CAPN2: variants seen among roughly 807,000 people sequenced by gnomAD.
The protein encoded by CAPN2 is calpain-2 catalytic subunit.
In CAPN2, 92 loss-of-function variants were observed where a neutral mutation model predicts 102.3. That is an observed-to-expected ratio of 0.90 (90% confidence interval 0.76 to 1.07). CAPN2 has a LOEUF of 1.07. Ranked by LOEUF, CAPN2 falls within the 50% of genes least tolerant of loss-of-function variation. The pLI is 0.00. For synonymous variants in CAPN2, 340 were observed against 355.4 expected (o/e 0.96, Z 0.49); for missense variants, 800 against 909.4 (o/e 0.88, Z 1.55).
chr1:223,773,599 C>T (rs1361607702), intron 20 of CAPN2, among the ~76,000 whole-genome samples: 1 of 151,916 alleles, frequency 6.6e-6, no homozygotes, highest in Non-Finnish European at 1.5e-5. Flanking sequence ...GAGGCTGAAG[C>T]GAAAGGATTG....
Position 223,771,836 on chromosome 1 carries a change from AAGTCAT to A in CAPN2, c.1932_1937del (p.Gln644_Ile646delinsHis). 6.2e-7 allele frequency: 1 copy of A among 1,613,866 alleles called. No homozygotes were observed. Among genetic ancestry groups the A allele is most frequent in the Non-Finnish European group, 8.5e-7 (1 of 1,179,716 alleles). On this transcript the variant is annotated inframe_deletion, in exon 19 of 21. Coordinates refer to ENST00000295006, the MANE Select transcript of CAPN2 (RefSeq NM_001748.5). The stretch of plus-strand genomic sequence containing the variant: ...TTCAAGATGCCCTGTCAACTCCACC[AAGTCAT>A]CGTTGCTCGGTTTGCAGATGACCAG...
Position 223,755,389 on chromosome 1 carries a change from T to C in CAPN2, c.1136-91T>C, listed in dbSNP as rs879009725. The C allele has an allele frequency of 1.5e-5, 20 of 1,314,592 alleles. No individual in the cohort carries two copies. In the South Asian group the frequency reaches 2.5e-4, roughly 16 times the overall value. The allele number at this position is 1,314,592 out of a possible 1,614,324, so 81.4% of individuals were successfully genotyped here. Reference sequence around the variant, plus strand: ...CCATCTCCCTTTATCTCCATCCCTCTCAGAAGCCTCCAAGCCTGAGACCAG... The same window carrying C: ...CCATCTCCCTTTATCTCCATCCCTCCCAGAAGCCTCCAAGCCTGAGACCAG... On this transcript the variant is annotated intron_variant, in intron 9 of 20. Transcript: ENST00000295006. The surrounding 1 kb of genome is among the most constrained non-coding windows in gnomAD (Gnocchi z 4.1).
At chr1:223,707,997 CG>C (rs1659650080), upstream of CAPN2, among the ~76,000 whole-genome samples, 1 of 152,188 alleles carries the variant, frequency 6.6e-6, no homozygotes, top group African/African-American at 2.4e-5. Flanking sequence ...CAGAAGAAGT[CG>C]GGGTGGGGCC....
At chr1:223,709,289 T>G (rs1244270702), upstream of CAPN2, among the ~76,000 whole-genome samples, 1 of 152,160 alleles carries the variant, frequency 6.6e-6, no homozygotes. Context: ...GGCAGAGGAA[T>G]AATAGTGACA....
In CAPN2 at chr1:223,775,744, T is replaced by A. The variant is rs1661603190; in HGVS notation, c.*887T>A. On this transcript the variant is annotated 3_prime_UTR_variant, in exon 21 of 21. Transcript: ENST00000295006. ...ACAAGTTTGTTTCCTGGCTTTACCTTGGGAAAATGCTAGCAACATTATAGA... is the reference window on the plus strand; with the variant it reads ...ACAAGTTTGTTTCCTGGCTTTACCTAGGGAAAATGCTAGCAACATTATAGA... 6.6e-6 allele frequency: 1 copy of A among 152,662 alleles called. No individual in the cohort carries two copies. Among genetic ancestry groups the A allele is most frequent in the Admixed American group, 6.5e-5 (1 of 15,284 alleles). 9.5% of individuals were successfully genotyped at this position (152,662 alleles called of 1,614,324 possible). A position where few individuals can be genotyped will look rare whatever the true frequency, so the allele number is the denominator to read the frequency against.
chr1:223,746,473 A>ATTTTTTT (rs1420617646), intron 4 of CAPN2, among the ~76,000 whole-genome samples: 3 of 105,240 alleles, frequency 2.9e-5, no homozygotes, highest in African/African-American at 1.4e-4. Flanking sequence ...TTCTACGAGA[A>ATTTTTTT]TCTTTTTTTT....
At chr1:223,753,903 C>A (rs28370087) in intron 9 of CAPN2, among the ~76,000 whole-genome samples, 1 of 151,990 alleles carries the variant, frequency 6.6e-6, no homozygotes, top group Non-Finnish European at 1.5e-5. Context: ...TTCCAAAATC[C>A]AAAAAAATCC....
Position 223,712,888 on chromosome 1 carries a change from C to T in CAPN2, c.237+11C>T. On this transcript the variant is annotated intron_variant, in intron 1 of 20. Transcript: ENST00000295006. ...TGGAAGCGCCCCACGGTAGGAAGCG[C>T]GCGGCAGGACGCGGGCAGGGCGGGG... The T allele has an allele frequency of 6.7e-7, 1 of 1,501,434 alleles. No individual in the cohort carries two copies. Among genetic ancestry groups the T allele is most frequent in the Non-Finnish European group, 8.9e-7 (1 of 1,124,136 alleles). The allele number at this position is 1,501,434 out of a possible 1,614,324, so 93.0% of individuals were successfully genotyped here.
At chr1:223,760,134 T>TTAAG (rs1245659921) in intron 12 of CAPN2, among the ~76,000 whole-genome samples, 1 of 152,182 alleles carries the variant, frequency 6.6e-6, no homozygotes, top group Non-Finnish European at 1.5e-5. Context: ...CCTGGGTGAT[T>TTAAG]TAAGCTAAAG....
At chr1:223,720,940 C>T (rs368450808) in intron 2 of CAPN2, among the ~76,000 whole-genome samples, 25 of 152,190 alleles carry the variant, frequency 1.6e-4, no homozygotes, top group South Asian at 1.2e-3. Flanking sequence ...TTCATCTTCT[C>T]TACCTGCGCT....
chr1:223,765,472 T>C (rs952109625), intron 15 of CAPN2, among the ~76,000 whole-genome samples: 2 of 152,186 alleles, frequency 1.3e-5, no homozygotes, highest in East Asian at 1.9e-4. Flanking sequence ...GCAGTCCTCA[T>C]GAGCTGAGGA....
chr1:223,762,114 T>C (rs1360770238), intron 13 of CAPN2, 72 bp from the exon 14 acceptor site: 8 of 1,343,554 alleles, frequency 6.0e-6, no homozygotes, highest in Non-Finnish European at 8.5e-6. Flanking sequence ...GTGGCTGCCA[T>C]GGAAGGGCGG....
chr1:223,738,989 T>C (rs1055710537), intron 2 of CAPN2, among the ~76,000 whole-genome samples: 1 of 152,030 alleles, frequency 6.6e-6, no homozygotes, highest in Admixed American at 6.6e-5. Flanking sequence ...GAGATACCCA[T>C]AGAGATCAGC....
At chr1:223,748,366 T>C (rs1020667592) in intron 5 of CAPN2, among the ~76,000 whole-genome samples, 35 of 152,026 alleles carry the variant, frequency 2.3e-4, no homozygotes, top group African/African-American at 8.2e-4. Context: ...GCAGGAATTC[T>C]CAAAGTTTAT....
chr1:223,769,458 C>T (rs1375771305), intron 16 of CAPN2, among the ~76,000 whole-genome samples: 1 of 152,072 alleles, frequency 6.6e-6, no homozygotes, highest in Non-Finnish European at 1.5e-5. Flanking sequence ...TCATGGTGTA[C>T]ACCTGCTAGC....
Position 223,754,110 on chromosome 1 carries a change from G to A in CAPN2, c.1135+1154G>A, listed in dbSNP as rs1558073478. ...AGAGCGTGCTGGGATTTGAACCCAG[G>A]CCCCCTGACTGAGGAGTCACTGTGT... On this transcript the variant is annotated intron_variant, in intron 9 of 20. Transcript: ENST00000295006. This position sits in a 1 kb window ranked among gnomAD's most constrained non-coding sequence, Gnocchi z 4.7. Among the ~76,000 whole-genome samples the A allele has an allele frequency of 6.6e-6, 1 of 152,188 alleles. No individual in the cohort carries two copies. Among genetic ancestry groups the A allele is most frequent in the Admixed American group, 6.5e-5 (1 of 15,280 alleles).
chr1:223,774,830 A>G lies in CAPN2; in HGVS notation c.2080-4A>G. ...AGCTGACTTTTTTTTTTCCTTCCTC[A>G]CAGTGGCTCTGTTTCTCAGTACTTT... On this transcript the variant is annotated splice_region_variant and splice_polypyrimidine_tract_variant and intron_variant, in intron 20 of 20. Transcript: ENST00000295006. The G allele has an allele frequency of 6.2e-7, 1 of 1,612,962 alleles. No homozygotes were observed.
intron 3 of CAPN2, among the ~76,000 whole-genome samples, chr1:223,744,788 G>A (rs1660711892): frequency 6.6e-6 from 1 of 151,952 alleles, no homozygotes; most frequent in Non-Finnish European, 1.5e-5. Flanking sequence ...TTTAACCTGG[G>A]AGGCAGAGGT....
chr1:223,774,848 A>G lies in CAPN2; in HGVS notation c.2094A>G (p.Ser698=), dbSNP rs1376681871. Residue 698 remains serine, a synonymous_variant, in exon 21 of 21, where the codon TCA becomes TCG. Transcript: ENST00000295006. The part of the protein sequence containing the change: ...ELDLISWLCF[S]VL ...CTTCCTCACAGTGGCTCTGTTTCTC[A>G]GTACTTTGAAGTTATAACTAATCTG... The G allele has an allele frequency of 6.2e-7, 1 of 1,613,124 alleles. No individual in the cohort carries two copies. Among genetic ancestry groups the G allele is most frequent in the South Asian group, 1.1e-5 (1 of 91,004 alleles).
Sources: gnomAD v4.1 joint callset for allele counts (sites outside exome capture counted in the v4.1 genomes callset) on GRCh38, gnomAD v4.1.1 for gene constraint, Gnocchi (gnomAD v3.1) non-coding constraint, MANE v1.5 for transcripts, NCBI Gene and HGNC (gene_info 2026-07-23, HGNC 2026-07-21) for gene names.